The following UGT1A6 variants were observed in gnomAD, a reference collection of about 807,000 sequenced individuals.
The protein encoded by UGT1A6 is UDP-glucuronosyltransferase 1A6.
In UGT1A6, 32 loss-of-function variants were observed where a neutral mutation model predicts 44.4. The ratio of observed to expected loss-of-function variants is 0.72; its 90% CI spans 0.54 to 0.97. UGT1A6 has a LOEUF of 0.97. Ranked by LOEUF, UGT1A6 falls within the 50% of genes least tolerant of loss-of-function variation. The pLI is 0.00. For synonymous variants in UGT1A6, 238 were observed against 248.5 expected (o/e 0.96, Z 0.40); for missense variants, 685 against 661.9 (o/e 1.03, Z -0.38).
At chr2:233,691,742 C>T, upstream of UGT1A6, 1 of 642,200 alleles carries the variant, frequency 1.6e-6, no homozygotes, top group South Asian at 6.9e-5. Flanking sequence ...AAGCAGATAC[C>T]AGGCTTTCTG....
chr2:233,724,950 A>C (rs2077335462), intron 1 of UGT1A6, among the ~76,000 whole-genome samples: 2 of 143,906 alleles, frequency 1.4e-5, no homozygotes, highest in Non-Finnish European at 1.5e-5. Flanking sequence ...CAATCCCGGC[A>C]CCTCGGGAGG....
intron 1 of UGT1A6, chr2:233,713,356 T>C (rs2125633353): frequency 6.2e-7 from 1 of 1,614,242 alleles, no homozygotes; most frequent in Non-Finnish European, 8.5e-7. Flanking sequence ...AATATGTCTT[T>C]GATCATACAT....
chr2:233,737,607 T>A (rs970268869), intron 1 of UGT1A6, among the ~76,000 whole-genome samples: 49 of 152,170 alleles, frequency 3.2e-4, no homozygotes, highest in African/African-American at 1.2e-3. Flanking sequence ...GGTACCTCAG[T>A]TGGAAATGCA....
At chr2:233,720,751 G>C (rs2076887751) in intron 1 of UGT1A6, among the ~76,000 whole-genome samples, 1 of 150,928 alleles carries the variant, frequency 6.6e-6, no homozygotes, top group African/African-American at 2.4e-5. Context: ...TGTCGCCCAG[G>C]CTGGAGGGCA....
rs888574084 is a variant in UGT1A6 at position 233,700,593 on chromosome 2, C to A, written c.861+6728C>A. 9.9e-5 allele frequency among the ~76,000 whole-genome samples: 15 copies of A among 152,184 alleles called. No homozygotes were observed. In the South Asian group the frequency reaches 2.3e-3, roughly 23 times the overall value. Reference sequence around the variant, plus strand: ...TATTATGATGCAATTTATTATGATACAATTCACTCTTTTTTTGGGGGGGTT... The same window carrying A: ...TATTATGATGCAATTTATTATGATAAAATTCACTCTTTTTTTGGGGGGGTT... On this transcript the variant is annotated intron_variant, in intron 1 of 4. Transcript: ENST00000305139.
chr2:233,753,001 T>C (rs1372117630), intron 1 of UGT1A6, among the ~76,000 whole-genome samples: 3 of 151,962 alleles, frequency 2.0e-5, no homozygotes, highest in African/African-American at 7.3e-5. Context: ...CATTCTATCC[T>C]ACCCAGAGTG....
intron 1 of UGT1A6, among the ~76,000 whole-genome samples, chr2:233,717,530 G>A (rs1276644259): frequency 6.6e-6 from 1 of 152,220 alleles, no homozygotes; most frequent in African/African-American, 2.4e-5. Flanking sequence ...CCTCCATAAG[G>A]GAAGCCTCAG....
Position 233,755,093 on chromosome 2 carries a change from C to G in UGT1A6, c.862-11941C>G, listed in dbSNP as rs566230339. On this transcript the variant is annotated intron_variant, in intron 1 of 4. Transcript: ENST00000305139. ...AGCGGTCATAGATATCGCGTTTCTA[C>G]GCGTCCGACAACACCTCGTAGGCCT... The G allele has an allele frequency of 5.8e-4, 775 of 1,335,150 alleles. 7 individuals carry two copies. Among genetic ancestry groups the G allele is most frequent in the Non-Finnish European group, 7.2e-4 (713 of 992,692 alleles). The allele number at this position is 1,335,150 out of a possible 1,614,324, so 82.7% of individuals were successfully genotyped here. A position where few individuals can be genotyped will look rare whatever the true frequency, so the allele number is the denominator to read the frequency against.
At chr2:233,729,778 C>T in intron 1 of UGT1A6, 1 of 1,614,010 alleles carries the variant, frequency 6.2e-7, no homozygotes, top group Non-Finnish European at 8.5e-7. Flanking sequence ...GCTCTACCCT[C>T]TGGCCCTGTC....
In UGT1A6 at chr2:233,769,397, A is replaced by C; in HGVS notation, c.1301+958A>C. 1 of 1,148,656 alleles carries C rather than the reference A, an allele frequency of 8.7e-7. No individual in the cohort carries two copies. The allele number at this position is 1,148,656 out of a possible 1,614,324, so 71.2% of individuals were successfully genotyped here. ...TCATCCGACAATAGATACTGTGTGC[A>C]TATGTGCGTGTGCGTTTGTGCATGT... On this transcript the variant is annotated intron_variant, in intron 4 of 4. Transcript: ENST00000305139. This position sits in a 1 kb window ranked among gnomAD's most constrained non-coding sequence, Gnocchi z 4.4.
At chr2:233,760,223 T>G (rs1453955510) in intron 1 of UGT1A6, 1 of 1,589,146 alleles carries the variant, frequency 6.3e-7, no homozygotes, top group African/African-American at 1.5e-5. Flanking sequence ...GTGTATCGAT[T>G]GGTTTTTGCC....
chr2:233,757,044 A>T (rs1411336170), intron 1 of UGT1A6, among the ~76,000 whole-genome samples: 1 of 151,696 alleles, frequency 6.6e-6, no homozygotes, highest in Non-Finnish European at 1.5e-5. Flanking sequence ...CATCAAAGGA[A>T]GTTTGGGGAA....
intron 1 of UGT1A6, among the ~76,000 whole-genome samples, chr2:233,721,312 CTCTTT>C (rs1419139960): frequency 1.3e-5 from 2 of 152,056 alleles, no homozygotes; most frequent in Non-Finnish European, 2.9e-5. Context: ...GTGATTGTGG[CTCTTT>C]TCTTGTGGTT....
intron 1 of UGT1A6, 34 bp from the exon 2 acceptor site, chr2:233,767,000 A>G: frequency 6.2e-7 from 1 of 1,613,736 alleles, no homozygotes; most frequent in South Asian, 1.1e-5. Context: ...GAATATGAGA[A>G]AAAATTAACT....
chr2:233,760,664 G>T, intron 1 of UGT1A6: 3 of 1,614,182 alleles, frequency 1.9e-6, no homozygotes, highest in Non-Finnish European at 2.5e-6. Flanking sequence ...CTTTTGTCTG[G>T]CTGTTCCCAC....
chr2:233,714,180 C>T (rs1425005373), intron 1 of UGT1A6, among the ~76,000 whole-genome samples: 1 of 152,158 alleles, frequency 6.6e-6, no homozygotes, highest in Non-Finnish European at 1.5e-5. Flanking sequence ...TGGGCAGGAG[C>T]AGGGACACTA....
At chr2:233,747,232 G>A in intron 1 of UGT1A6, 1 of 1,605,196 alleles carries the variant, frequency 6.2e-7, no homozygotes, top group Non-Finnish European at 8.5e-7. Context: ...AGGACCCCAG[G>A]TTCCCCTGCT....
intron 4 of UGT1A6, among the ~76,000 whole-genome samples, chr2:233,768,959 C>T (rs1259546166): frequency 6.6e-6 from 1 of 152,056 alleles, no homozygotes; most frequent in African/African-American, 2.4e-5. Flanking sequence ...TATAATTTAT[C>T]ATATAATTTA....
At chr2:233,757,033 A>T (rs1308821076) in intron 1 of UGT1A6, among the ~76,000 whole-genome samples, 1 of 151,746 alleles carries the variant, frequency 6.6e-6, no homozygotes, top group African/African-American at 2.4e-5. Flanking sequence ...CAATTTGAGA[A>T]CATCAAAGGA....
Sources: allele counts gnomAD v4.1 joint callset (sites outside exome capture counted in the v4.1 genomes callset), GRCh38; gene constraint gnomAD v4.1.1; non-coding constraint Gnocchi (gnomAD v3.1); transcripts MANE v1.5; gene names NCBI Gene and HGNC (gene_info 2026-07-23, HGNC 2026-07-21).